LRRIQ1: variants seen among roughly 807,000 people sequenced by gnomAD.
LRRIQ1 encodes leucine-rich repeat- and IQ domain-containing protein 1.
LRRIQ1 carries 210 observed loss-of-function variants against 211.9 expected under a neutral mutation model. The observed-to-expected ratio is 0.99, with a 90% CI of 0.89 to 1.11. The LOEUF (loss-of-function observed/expected upper bound fraction) is 1.11, where lower values mean the gene tolerates loss of function less well. Ranked by LOEUF, LRRIQ1 falls within the 50% of genes most tolerant of loss-of-function variation. The probability of loss-of-function intolerance (pLI) is 0.00; values close to 1 mark genes in which losing one functional copy is unlikely to be tolerated. For missense variants in LRRIQ1, 2,136 were observed against 1,939.5 expected, an observed-to-expected ratio of 1.10 and a Z score of -1.90; for synonymous variants, 699 against 650.1, an observed-to-expected ratio of 1.08 and a Z score of -1.14.
Position 85,153,688 on chromosome 12 carries a change from A to G in LRRIQ1, c.4567A>G (p.Thr1523Ala). 1 of 1,584,176 alleles carries G rather than the reference A, an allele frequency of 6.3e-7. No homozygotes were observed. Among genetic ancestry groups the G allele is most frequent in the Non-Finnish European group, 8.6e-7 (1 of 1,168,164 alleles). ...ATCAGAAAATAAAACTTCTTCCTGG[A>G]CACCTGAATCAAAGACCAGTAGAAA... ...SRSENKTSSW[T>A]PESKTSRKSL... Residue 1523 changes from threonine to alanine, a missense_variant, in exon 22 of 27, where the codon ACA becomes GCA. Coordinates refer to ENST00000393217, the MANE Select transcript of LRRIQ1 (RefSeq NM_001079910.2).
chr12:85,218,990 A>G (rs1894279132), intron 24 of LRRIQ1, among the ~76,000 whole-genome samples: 1 of 152,052 alleles, frequency 6.6e-6, no homozygotes, highest in African/African-American at 2.4e-5. Flanking sequence ...TATCTTAATC[A>G]CTGAGGTTTT....
intron 11 of LRRIQ1, among the ~76,000 whole-genome samples, chr12:85,078,507 A>C (rs1469648392): frequency 6.6e-6 from 1 of 152,120 alleles, no homozygotes; most frequent in Non-Finnish European, 1.5e-5. Flanking sequence ...TGGTACTGAT[A>C]ATATTAGCAA....
chr12:85,193,100 ATATATAATTATAG>A (rs1207260614), intron 24 of LRRIQ1, among the ~76,000 whole-genome samples: 2 of 122,008 alleles, frequency 1.6e-5, no homozygotes, highest in East Asian at 2.2e-4. Flanking sequence ...ATATATATTT[ATATATAATTATAG>A]TATATAATTA....
At chr12:85,054,931 C>T (rs1308397468) in intron 7 of LRRIQ1, among the ~76,000 whole-genome samples, 2 of 151,928 alleles carry the variant, frequency 1.3e-5, no homozygotes, top group Admixed American at 1.3e-4. Flanking sequence ...TGGTTTAGGA[C>T]TCTAGTAAAA....
At chr12:85,097,450 C>T (rs1306025034) in intron 11 of LRRIQ1, among the ~76,000 whole-genome samples, 1 of 151,522 alleles carries the variant, frequency 6.6e-6, no homozygotes, top group Non-Finnish European at 1.5e-5. Flanking sequence ...GATGTTCCCC[C>T]CGCTGTGTCC....
In LRRIQ1 at chr12:85,098,457, A is replaced by G; in HGVS notation, c.2990A>G (p.Asp997Gly). Reference protein sequence around the residue: ...LCDTPTIVYLDCSHNHLTDVE... With the variant: ...LCDTPTIVYLGCSHNHLTDVE... ...GATACACCTACCATTGTATACCTAG[A>G]TTGCTCCCATAATCATCTTACTGAT... Residue 997 changes from aspartate (D) to glycine (G), a missense_variant, in exon 12 of 27, where the codon GAT (aspartate) becomes GGT (glycine). By Grantham distance (94) the Asp-to-Gly change is moderately conservative. Transcript: ENST00000393217. The G allele has an allele frequency of 6.2e-7, 1 of 1,611,834 alleles. No homozygotes were observed. Among genetic ancestry groups the G allele is most frequent in the Non-Finnish European group, 8.5e-7 (1 of 1,178,788 alleles).
In LRRIQ1 at chr12:85,124,448, C is replaced by T. The variant is rs1005717220; in HGVS notation, c.3936C>T (p.Ile1312=). Residue 1312 remains isoleucine, a synonymous_variant, in exon 17 of 27, where the codon ATC becomes ATT. Transcript: ENST00000393217. ...SKASSIPTIR[I]PFKEVVMTNS... ...CAAGCAGTATTCCCACCATAAGAAT[C>T]CCATTTAAGGAAGTAGTAATGACAA... The T allele has an allele frequency of 6.2e-7, 1 of 1,613,828 alleles. No individual in the cohort carries two copies. The highest frequency in any genetic ancestry group is 8.5e-7 in the Non-Finnish European group (1 of 1,180,016).
intron 26 of LRRIQ1, among the ~76,000 whole-genome samples, chr12:85,237,483 G>A (rs1246067779): frequency 6.6e-6 from 1 of 151,954 alleles, no homozygotes; most frequent in Admixed American, 6.6e-5. Flanking sequence ...TAGGTGTTTG[G>A]CCAAGTACTA....
intron 24 of LRRIQ1, among the ~76,000 whole-genome samples, chr12:85,166,763 T>G (rs917396266): frequency 1.3e-5 from 2 of 152,244 alleles, no homozygotes; most frequent in Admixed American, 6.5e-5. Context: ...GAGATGCTCA[T>G]AATTTTATTC....
chr12:85,060,417 G>A (rs997909417), intron 8 of LRRIQ1, among the ~76,000 whole-genome samples: 2 of 151,686 alleles, frequency 1.3e-5, no homozygotes, highest in African/African-American at 4.8e-5. Context: ...GCTACTAATG[G>A]TAACTTGTAT....
intron 7 of LRRIQ1, among the ~76,000 whole-genome samples, chr12:85,054,290 A>T (rs1165996203): frequency 6.6e-6 from 1 of 152,196 alleles, no homozygotes; most frequent in Non-Finnish European, 1.5e-5. Flanking sequence ...GTACTATTCA[A>T]ATTCAAGACA....
chr12:85,099,070 A>C, intron 13 of LRRIQ1, 76 bp downstream of exon 13: 3 of 982,082 alleles, frequency 3.1e-6, no homozygotes, highest in Non-Finnish European at 4.3e-6. Context: ...AACTACCATA[A>C]AAGTTAGATT....
At chr12:85,216,836 TAA>T (rs1478073242) in intron 24 of LRRIQ1, among the ~76,000 whole-genome samples, 1 of 151,814 alleles carries the variant, frequency 6.6e-6, no homozygotes. Context: ...CTACATAAAA[TAA>T]AAGTCAGTCT....
Position 85,132,778 on chromosome 12 carries a change from A to G in LRRIQ1, c.4209+4745A>G, listed in dbSNP as rs573768626. On this transcript the variant is annotated intron_variant, in intron 18 of 26. Coordinates refer to ENST00000393217, the MANE Select transcript of LRRIQ1 (RefSeq NM_001079910.2). ...CCCTGTCTCAAAAAAATAAAAAATA[A>G]ATAAATAAAATAAAATAGAAATAAA... is the stretch of plus-strand genomic sequence containing the variant. Among the ~76,000 whole-genome samples the G allele has an allele frequency of 7.2e-5, 11 of 151,960 alleles. No individual in the cohort carries two copies. In the South Asian group the frequency reaches 2.3e-3, roughly 32 times the overall value.
At chr12:85,102,949 A>ATATATAT (rs1565834028) in intron 13 of LRRIQ1, among the ~76,000 whole-genome samples, 1 of 106,248 alleles carries the variant, frequency 9.4e-6, no homozygotes, top group African/African-American at 4.1e-5. Context: ...TGTGGCAAAA[A>ATATATAT]AAAAAAAAAA....
chr12:85,066,670 T>C (rs924744684), intron 9 of LRRIQ1, 78 bp from the exon 10 acceptor site: 2 of 1,149,032 alleles, frequency 1.7e-6, no homozygotes, highest in Non-Finnish European at 2.4e-6. Flanking sequence ...TCATCTTTCT[T>C]TCCTCTTTTT....
chr12:85,098,275 T>G, intron 11 of LRRIQ1, 80 bp from the exon 12 acceptor site: 1 of 910,450 alleles, frequency 1.1e-6, no homozygotes, highest in Non-Finnish European at 1.6e-6. Context: ...GGTGCAATTA[T>G]TTAGAAAAAA....
chr12:85,113,907 T>TTGTGTGTGTGTGTGTG lies in LRRIQ1; in HGVS notation c.3377+7317_3377+7332dup, dbSNP rs71076112. Among the ~76,000 whole-genome samples the TTGTGTGTGTGTGTGTG allele has an allele frequency of 3.2e-3, 451 of 140,954 alleles. 6 individuals carry two copies. The highest frequency in any genetic ancestry group is 3.6e-3 in the Middle Eastern group (1 of 276). 92.5% of individuals were successfully genotyped at this position (140,954 alleles called of 152,430 possible). A position where few individuals can be genotyped will look rare whatever the true frequency, so the allele number is the denominator to read the frequency against. On this transcript the variant is annotated intron_variant, in intron 15 of 26. Coordinates refer to ENST00000393217, the MANE Select transcript of LRRIQ1 (RefSeq NM_001079910.2). ...GAAATTTCAATTATTCAAATGAGTT[T>TTGTGTGTGTGTGTGTG]TGTGTGTGTGTGTGTGTGTGTGTGT...
chr12:85,204,134 G>T (rs949077129), intron 24 of LRRIQ1, among the ~76,000 whole-genome samples: 1 of 152,194 alleles, frequency 6.6e-6, no homozygotes, highest in Non-Finnish European at 1.5e-5. Context: ...TAGAGCTCAG[G>T]CTGTGGCTTC....
Sources: allele counts gnomAD v4.1 joint callset (sites outside exome capture counted in the v4.1 genomes callset), GRCh38; gene constraint gnomAD v4.1.1; transcripts MANE v1.5; gene names NCBI Gene and HGNC (gene_info 2026-07-23, HGNC 2026-07-21).